Variants in PHACTR3 observed in about 807,000 individuals in gnomAD.
PHACTR3 encodes phosphatase and actin regulator 3.
In PHACTR3, 16 loss-of-function variants were observed where a neutral mutation model predicts 66.8. That is an observed-to-expected ratio of 0.24 (90% CI 0.16 to 0.36). The LOEUF is 0.36. Among genes scored for constraint, PHACTR3 ranks in the 10% least tolerant of loss-of-function variants. PHACTR3 has a pLI of 1.00. For synonymous variants in PHACTR3, 323 were observed against 292.1 expected (o/e 1.11, Z -1.08); for missense variants, 647 against 719.9 (o/e 0.90, Z 1.16).
At chr20:59,623,261 G>A (rs1027014957) in intron 1 of PHACTR3, among the ~76,000 whole-genome samples, 18 of 152,134 alleles carry the variant, frequency 1.2e-4, no homozygotes, top group Non-Finnish European at 1.2e-4. Context: ...ATCAGGCTTG[G>A]TCCAGCCCGT....
At chr20:59,716,407 C>A (rs959139948) in intron 1 of PHACTR3, among the ~76,000 whole-genome samples, 14 of 151,976 alleles carry the variant, frequency 9.2e-5, no homozygotes, top group Non-Finnish European at 1.6e-4. Context: ...TGTGTGCCAC[C>A]ATACCTGTCT....
At chr20:59,601,643 C>G (rs151275482), upstream of PHACTR3, among the ~76,000 whole-genome samples, 3 of 152,340 alleles carry the variant, frequency 2.0e-5, no homozygotes, top group Non-Finnish European at 4.4e-5. Context: ...AGTCCAAAGT[C>G]TCTCCGGCAG....
intron 4 of PHACTR3, among the ~76,000 whole-genome samples, chr20:59,758,586 C>T (rs987024552): frequency 6.6e-6 from 1 of 152,148 alleles, no homozygotes; most frequent in Non-Finnish European, 1.5e-5. Context: ...AAGTGGCTGC[C>T]TGCATGCAGG....
intron 1 of PHACTR3, among the ~76,000 whole-genome samples, chr20:59,698,092 T>C (rs2037365808): frequency 6.6e-6 from 1 of 152,194 alleles, no homozygotes; most frequent in Non-Finnish European, 1.5e-5. Context: ...GAAAAAATCC[T>C]AAATGACCAT....
At chr20:59,596,029 C>T (rs2033318370) in intron 1 of PHACTR3, among the ~76,000 whole-genome samples, 1 of 152,234 alleles carries the variant, frequency 6.6e-6, no homozygotes, top group Admixed American at 6.5e-5. Context: ...CAGAATATAA[C>T]CTGGATCCCA....
chr20:59,723,224 G>A (rs1007309489), intron 1 of PHACTR3, among the ~76,000 whole-genome samples: 1 of 151,902 alleles, frequency 6.6e-6, no homozygotes, highest in African/African-American at 2.4e-5. Context: ...CTGCACCACA[G>A]TCTAATTTTA....
intron 12 of PHACTR3, 40 bp downstream of exon 12, chr20:59,845,305 G>T (rs1307390164): frequency 7.5e-7 from 1 of 1,330,434 alleles, no homozygotes; most frequent in Admixed American, 1.7e-5. Context: ...ACTTATTTTT[G>T]AAACACACAC....
intron 1 of PHACTR3, among the ~76,000 whole-genome samples, chr20:59,613,278 C>A (rs960713947): frequency 6.6e-6 from 1 of 152,220 alleles, no homozygotes; most frequent in African/African-American, 2.4e-5. Flanking sequence ...AGCATGATGG[C>A]GTCCCTGTCG....
At chr20:59,586,143 T>C (rs2033021638) in intron 1 of PHACTR3, among the ~76,000 whole-genome samples, 1 of 152,246 alleles carries the variant, frequency 6.6e-6, no homozygotes. Context: ...TGGCCTGCCC[T>C]GGCCTGCTCT....
chr20:59,755,884 G>T (rs2039774705), intron 4 of PHACTR3, among the ~76,000 whole-genome samples: 1 of 152,184 alleles, frequency 6.6e-6, no homozygotes, highest in Non-Finnish European at 1.5e-5. Context: ...CCTATGTGGG[G>T]CTCTTCCGCT....
chr20:59,821,851 T>C (rs1029131138), intron 8 of PHACTR3, among the ~76,000 whole-genome samples: 3 of 143,346 alleles, frequency 2.1e-5, no homozygotes, highest in Non-Finnish European at 4.7e-5. Context: ...CCTCCCACAC[T>C]GGGCCAGGGA....
intron 1 of PHACTR3, among the ~76,000 whole-genome samples, chr20:59,583,002 C>T (rs2032906851): frequency 6.6e-6 from 1 of 152,060 alleles, no homozygotes; most frequent in Non-Finnish European, 1.5e-5. Context: ...AACAGTTTTT[C>T]TCAGTGTGGC....
At position 59,604,928 on chromosome 20, in the gene PHACTR3, C is replaced by G. The variant is rs2033604958; in HGVS notation, c.-87C>G. On this transcript the variant is annotated 5_prime_UTR_variant, in exon 1 of 13. Transcript: ENST00000371015. ...TTTCTTTTTTAAAAAGACGCCCCCT[C>G]CAGCCCCCTCGCCGGTGACCTTGGC... 2 of 1,213,132 alleles carry G rather than the reference C, an allele frequency of 1.6e-6. No individual in the cohort carries two copies. The highest frequency in any genetic ancestry group is 2.0e-6 in the Non-Finnish European group (2 of 975,736). 75.1% of individuals were successfully genotyped at this position (1,213,132 alleles called of 1,614,324 possible).
chr20:59,637,510 T>TA (rs1302253872), intron 1 of PHACTR3, among the ~76,000 whole-genome samples: 1 of 152,138 alleles, frequency 6.6e-6, no homozygotes, highest in Non-Finnish European at 1.5e-5. Context: ...TCACAGCTGG[T>TA]AAAAATGCCA....
At chr20:59,843,068 AAACT>A (rs2059093266) in intron 11 of PHACTR3, among the ~76,000 whole-genome samples, 1 of 152,150 alleles carries the variant, frequency 6.6e-6, no homozygotes, top group Non-Finnish European at 1.5e-5. Context: ...GCATTTCTAT[AAACT>A]AATAATGGAC....
At chr20:59,595,845 T>C (rs4812116) in intron 1 of PHACTR3, among the ~76,000 whole-genome samples, 5,064 of 152,358 alleles carry the variant, frequency 0.033, 127 homozygotes, top group Middle Eastern at 0.078. Flanking sequence ...ATGCCCTTTG[T>C]TGTCCCTGGT....
intron 4 of PHACTR3, among the ~76,000 whole-genome samples, chr20:59,761,639 A>C (rs2039997051): frequency 6.6e-6 from 1 of 152,214 alleles, no homozygotes. Flanking sequence ...TGGAAAGACA[A>C]AAATGTTTAC....
chr20:59,623,558 G>C (rs2034338427), intron 1 of PHACTR3, among the ~76,000 whole-genome samples: 1 of 152,174 alleles, frequency 6.6e-6, no homozygotes, highest in Admixed American at 6.5e-5. Context: ...TTCTTCGTTT[G>C]TTTGTAATAT....
At chr20:59,680,537 C>G (rs2036605569) in intron 1 of PHACTR3, among the ~76,000 whole-genome samples, 1 of 152,184 alleles carries the variant, frequency 6.6e-6, no homozygotes, top group Admixed American at 6.5e-5. Flanking sequence ...TCCTAACAGC[C>G]CTCACCTGGC....
Sources: gnomAD v4.1 joint callset for allele counts (sites outside exome capture counted in the v4.1 genomes callset) on GRCh38, gnomAD v4.1.1 for gene constraint, MANE v1.5 for transcripts, NCBI Gene and HGNC (gene_info 2026-07-23, HGNC 2026-07-21) for gene names.